Variants in CXADR observed in about 807,000 individuals in gnomAD.
The protein encoded by CXADR is coxsackievirus and adenovirus receptor.
A neutral mutation model predicts 40.3 loss-of-function variants in CXADR; 20 were observed. The ratio of observed to expected loss-of-function variants is 0.50; its 90% CI spans 0.35 to 0.72. The LOEUF (loss-of-function observed/expected upper bound fraction) is 0.72. Among genes scored for constraint, CXADR ranks in the 30% least tolerant of loss-of-function variants. The pLI, the probability that CXADR is intolerant of heterozygous loss-of-function variation, is 0.01. For synonymous variants in CXADR, 150 were observed against 161.3 expected, an observed-to-expected ratio of 0.93 and a Z score of 0.53; for missense variants, 332 against 449.1, an observed-to-expected ratio of 0.74 and a Z score of 2.36.
the CXADR span, among the ~76,000 whole-genome samples, chr21:17,622,286 A>G: frequency 6.6e-6 from 1 of 151,872 alleles, no homozygotes. Context: ...ACCCCACCCC[A>G]GCCCAGGAGG....
intron 1 of CXADR, among the ~76,000 whole-genome samples, chr21:17,545,721 A>C: frequency 6.6e-6 from 1 of 152,040 alleles, no homozygotes; most frequent in African/African-American, 2.4e-5. Flanking sequence ...GGGAAATAAA[A>C]AGGGATGAAC....
At chr21:17,634,044 G>A in the CXADR span, among the ~76,000 whole-genome samples, 30 of 152,298 alleles carry the variant, frequency 2.0e-4, no homozygotes. Flanking sequence ...GACTAGCTCT[G>A]AAGTTTTCAT....
the CXADR span, among the ~76,000 whole-genome samples, chr21:17,630,556 G>A: frequency 6.6e-6 from 1 of 151,248 alleles, no homozygotes; most frequent in Admixed American, 6.6e-5. Flanking sequence ...TCTGTATACT[G>A]TTGGTTAGTT....
the CXADR span, among the ~76,000 whole-genome samples, chr21:17,631,946 G>A: frequency 7.2e-5 from 11 of 152,170 alleles, no homozygotes; most frequent in East Asian, 2.1e-3. Context: ...TGAGCAGCTG[G>A]GACCACAGGT....
chr21:17,528,815 G>GGA (rs1387972524), intron 1 of CXADR, among the ~76,000 whole-genome samples: 2 of 151,976 alleles, frequency 1.3e-5, no homozygotes, highest in Non-Finnish European at 2.9e-5. Context: ...TAATATCAGT[G>GGA]AGGCCTCCAG....
the CXADR span, chr21:17,598,583 C>T: frequency 3.2e-6 from 5 of 1,581,522 alleles, no homozygotes; most frequent in Admixed American, 6.7e-5. Context: ...AATCCCTGCA[C>T]ATCCCTTTAA....
At chr21:17,541,603 C>T (rs2060829750) in intron 1 of CXADR, among the ~76,000 whole-genome samples, 1 of 138,048 alleles carries the variant, frequency 7.2e-6, no homozygotes. Context: ...TCCCTCTTTC[C>T]CCTGCATCTG....
At chr21:17,581,965 G>A (rs189520597) in intron 7 of CXADR, among the ~76,000 whole-genome samples, 66 of 151,870 alleles carry the variant, frequency 4.3e-4, no homozygotes, top group South Asian at 1.9e-3. Flanking sequence ...TTTTGACGGC[G>A]TTTCACTCTT....
intron 5 of CXADR, 37 bp downstream of exon 5, chr21:17,560,861 GT>G: frequency 6.2e-7 from 1 of 1,609,550 alleles, no homozygotes; most frequent in Non-Finnish European, 8.5e-7. Flanking sequence ...TTTTGTTTCT[GT>G]TATCTTTATA....
chr21:17,542,902 A>C (rs1444526423), intron 1 of CXADR: 1 of 178,242 alleles, frequency 5.6e-6, no homozygotes, highest in African/African-American at 2.4e-5. Context: ...TGTCTTATGT[A>C]ATTTGTGTCT....
At chr21:17,588,231 C>T (rs1370118018) in intron 7 of CXADR, among the ~76,000 whole-genome samples, 3 of 151,946 alleles carry the variant, frequency 2.0e-5, no homozygotes, top group Non-Finnish European at 4.4e-5. Flanking sequence ...TTTTTTGGTT[C>T]CATATGAACT....
At chr21:17,541,653 T>G (rs1016758095) in intron 1 of CXADR, among the ~76,000 whole-genome samples, 4 of 152,020 alleles carry the variant, frequency 2.6e-5, no homozygotes, top group Non-Finnish European at 5.9e-5. Context: ...TAGTTTTGCC[T>G]TTTCCAGAAT....
At chr21:17,513,658 C>G (rs1223700763) in intron 1 of CXADR, among the ~76,000 whole-genome samples, 1 of 152,218 alleles carries the variant, frequency 6.6e-6, no homozygotes, top group African/African-American at 2.4e-5. Flanking sequence ...CATGGAGCTG[C>G]CCGGTGCCTC....
At position 17,569,062 on chromosome 21, in the gene CXADR, A is replaced by G; in HGVS notation, c.*3370A>G. On this transcript the variant is annotated 3_prime_UTR_variant, in exon 7 of 7. Coordinates refer to ENST00000284878, the MANE Select transcript of CXADR (RefSeq NM_001338.5). ...AGTAAAGGGGCAAGTAAACCTTTTG[A>G]TGAAATATAAAAGGAACTCATTGCA... The G allele has an allele frequency of 1.0e-6, 1 of 985,448 alleles. No homozygotes were observed. Among genetic ancestry groups the G allele is most frequent in the Non-Finnish European group, 1.2e-6 (1 of 829,930 alleles). 61.0% of individuals were successfully genotyped at this position (985,448 alleles called of 1,614,324 possible). A position where few individuals can be genotyped will look rare whatever the true frequency, so the allele number is the denominator to read the frequency against.
intron 7 of CXADR, among the ~76,000 whole-genome samples, chr21:17,579,474 CG>C (rs1470818892): frequency 6.6e-6 from 1 of 151,946 alleles, no homozygotes; most frequent in Non-Finnish European, 1.5e-5. Flanking sequence ...TTAGTAGAGA[CG>C]GGGTTTCACA....
In CXADR at chr21:17,513,187, T is replaced by C. The variant is rs2060412753; in HGVS notation, c.43+15T>C. The C allele has an allele frequency of 7.3e-7, 1 of 1,361,364 alleles. No individual in the cohort carries two copies. Among genetic ancestry groups the C allele is most frequent in the Non-Finnish European group, 9.5e-7 (1 of 1,054,040 alleles). The allele number at this position is 1,361,364 out of a possible 1,614,324, so 84.3% of individuals were successfully genotyped here. A position where few individuals can be genotyped will look rare whatever the true frequency, so the allele number is the denominator to read the frequency against. On this transcript the variant is annotated intron_variant, in intron 1 of 6. Transcript: ENST00000284878. Reference sequence around the variant, plus strand: ...CGGAGTAGTGGGTGAGTAGGGGCCATGGGGTCCTCAGCACCCGCCCAGCCC... The same window carrying C: ...CGGAGTAGTGGGTGAGTAGGGGCCACGGGGTCCTCAGCACCCGCCCAGCCC...
chr21:17,603,519 T>C, the CXADR span, among the ~76,000 whole-genome samples: 1 of 152,182 alleles, frequency 6.6e-6, no homozygotes, highest in African/African-American at 2.4e-5. Flanking sequence ...TGTCTTCACC[T>C]CCACCTTCAT....
chr21:17,551,610 C>G, intron 2 of CXADR, 139 bp from the exon 3 acceptor site: 1 of 668,584 alleles, frequency 1.5e-6, no homozygotes, highest in African/African-American at 1.8e-5. Flanking sequence ...TTTTATGTTT[C>G]CCCATAATAC....
chr21:17,628,561 C>T, the CXADR span, among the ~76,000 whole-genome samples: 510 of 151,908 alleles, frequency 3.4e-3, 2 homozygotes, highest in African/African-American at 0.012. Flanking sequence ...AATGCAGTGG[C>T]GTGATCTCGG....
Sources: allele counts gnomAD v4.1 joint callset (sites outside exome capture counted in the v4.1 genomes callset), GRCh38; gene constraint gnomAD v4.1.1; transcripts MANE v1.5; gene names NCBI Gene and HGNC (gene_info 2026-07-23, HGNC 2026-07-21).